WNT11: variants seen among roughly 807,000 people sequenced by gnomAD.
WNT11 encodes protein Wnt-11.
A neutral mutation model predicts 35.6 loss-of-function variants in WNT11; 20 were observed. That is an observed-to-expected ratio of 0.56 (90% CI 0.40 to 0.82). WNT11 has a LOEUF of 0.82. Among genes scored for constraint, WNT11 ranks in the 40% least tolerant of loss-of-function variants. The pLI is 0.00. For synonymous variants in WNT11, 200 were observed against 211.9 expected, an observed-to-expected ratio of 0.94 and a Z score of 0.49; for missense variants, 459 against 504.4, an observed-to-expected ratio of 0.91 and a Z score of 0.86.
At chr11:76,208,424 A>G (rs896845618), upstream of WNT11, among the ~76,000 whole-genome samples, 2 of 152,192 alleles carry the variant, frequency 1.3e-5, no homozygotes, top group Non-Finnish European at 2.9e-5. Context: ...GGTGTAACCC[A>G]GTCCCGTCCT....
At position 76,191,823 on chromosome 11, in the gene WNT11, A is replaced by G; in HGVS notation, c.631T>C (p.Cys211Arg). Reference sequence around the variant, plus strand: ...GAGCAGGAGCCAGACACCCCATGGCACTTACACTTCATTTCCAGAGAGGCG... The same window carrying G: ...GAGCAGGAGCCAGACACCCCATGGCGCTTACACTTCATTTCCAGAGAGGCG... ...LRASLEMKCKCHGVSGSCSIR... is the reference protein window; with the variant it reads ...LRASLEMKCKRHGVSGSCSIR... Residue 211 changes from cysteine to arginine, a missense_variant, in exon 4 of 5, where the codon TGC becomes CGC. Transcript: ENST00000322563. The G allele has an allele frequency of 6.2e-7, 1 of 1,606,702 alleles. No homozygotes were observed. The highest frequency in any genetic ancestry group is 8.5e-7 in the Non-Finnish European group (1 of 1,179,684).
chr11:76,199,712 A>G (rs558605606), intron 1 of WNT11, among the ~76,000 whole-genome samples: 1 of 152,238 alleles, frequency 6.6e-6, no homozygotes, highest in East Asian at 1.9e-4. Context: ...CTGAGGCAGG[A>G]CCTGGGAGGC....
chr11:76,192,131 T>C (rs1253822878), intron 3 of WNT11, among the ~76,000 whole-genome samples: 1 of 152,170 alleles, frequency 6.6e-6, no homozygotes, highest in Non-Finnish European at 1.5e-5. Context: ...TAACACATAA[T>C]GGAGATTGAT....
At chr11:76,201,853 G>A (rs1186515217) in intron 1 of WNT11, among the ~76,000 whole-genome samples, 10 of 152,162 alleles carry the variant, frequency 6.6e-5, no homozygotes. Context: ...TATTTTCCTG[G>A]TGGCGCCAGC....
At chr11:76,202,624 A>G (rs532747730) in intron 1 of WNT11, among the ~76,000 whole-genome samples, 16 of 152,258 alleles carry the variant, frequency 1.1e-4, no homozygotes, top group African/African-American at 3.4e-4. Flanking sequence ...TAACTCTTCA[A>G]TTAGGCACCA....
At chr11:76,210,677 C>T, upstream of WNT11, 1 of 985,094 alleles carries the variant, frequency 1.0e-6, no homozygotes, top group South Asian at 4.7e-5. Context: ...CAGGCGCGGA[C>T]TCCGGCTGCT....
chr11:76,206,583 G>T (rs1953479385), upstream of WNT11: 23 of 1,189,702 alleles, frequency 1.9e-5, no homozygotes, highest in Middle Eastern at 3.3e-4. Context: ...AGGAGGGGTC[G>T]GGGCCCGGGG....
chr11:76,200,479 G>A (rs576984344), intron 1 of WNT11, among the ~76,000 whole-genome samples: 3 of 152,298 alleles, frequency 2.0e-5, no homozygotes, highest in Admixed American at 1.3e-4. Context: ...CTGTCCCTGC[G>A]TGCAGTGCCG....
chr11:76,200,713 C>T (rs899002845), intron 1 of WNT11, among the ~76,000 whole-genome samples: 4 of 152,236 alleles, frequency 2.6e-5, no homozygotes, highest in Admixed American at 2.0e-4. Context: ...TTGCTCTGAG[C>T]GGTCCCCACC....
At chr11:76,190,141 G>A (rs1051744058) in intron 4 of WNT11, among the ~76,000 whole-genome samples, 2 of 152,070 alleles carry the variant, frequency 1.3e-5, no homozygotes, top group Non-Finnish European at 2.9e-5. Flanking sequence ...TGTGAGCGGT[G>A]GGGTGCCCTC....
intron 1 of WNT11, among the ~76,000 whole-genome samples, chr11:76,201,174 G>A (rs894261466): frequency 2.0e-5 from 3 of 152,198 alleles, no homozygotes; most frequent in African/African-American, 7.2e-5. Flanking sequence ...GACTCCCCAG[G>A]CGGCCCAAGG....
upstream of WNT11, among the ~76,000 whole-genome samples, chr11:76,207,127 C>T (rs1259979107): frequency 6.6e-6 from 1 of 152,042 alleles, no homozygotes; most frequent in East Asian, 1.9e-4. Flanking sequence ...TTTGGGAGGT[C>T]GAGGCGGGCG....
chr11:76,192,877 A>G (rs991627931), intron 3 of WNT11, among the ~76,000 whole-genome samples: 2 of 152,224 alleles, frequency 1.3e-5, no homozygotes, highest in African/African-American at 4.8e-5. Flanking sequence ...TCTCCTGTAC[A>G]GAGACCTGCA....
chr11:76,210,524 C>G (rs1444386564), upstream of WNT11: 3 of 985,262 alleles, frequency 3.0e-6, no homozygotes, highest in Non-Finnish European at 3.6e-6. Flanking sequence ...CCCGGCCTGC[C>G]CAGGGAGCGG....
chr11:76,206,631 G>A (rs1304681078), upstream of WNT11: 4 of 977,060 alleles, frequency 4.1e-6, no homozygotes, highest in Non-Finnish European at 5.2e-6. Context: ...CGCTCCGCCC[G>A]GCCGGGGGAC....
chr11:76,188,485 G>C (rs1052107263), intron 4 of WNT11, among the ~76,000 whole-genome samples: 4 of 152,272 alleles, frequency 2.6e-5, no homozygotes, highest in Admixed American at 2.6e-4. Flanking sequence ...CATCTGTTCA[G>C]ACTGGTGGCT....
chr11:76,195,850 A>C (rs1015777276), intron 2 of WNT11, among the ~76,000 whole-genome samples: 2 of 152,246 alleles, frequency 1.3e-5, no homozygotes, highest in Admixed American at 6.5e-5. Flanking sequence ...GTCAAACATT[A>C]GCTGCTACTG....
intron 2 of WNT11, among the ~76,000 whole-genome samples, chr11:76,195,835 T>A (rs1246234752): frequency 7.2e-5 from 11 of 152,236 alleles, no homozygotes; most frequent in Non-Finnish European, 1.5e-5. Flanking sequence ...AAGAAAAGAA[T>A]GTTTGTCAAA....
intron 1 of WNT11, 65 bp downstream of exon 1, chr11:76,206,260 C>G (rs1224641982): frequency 1.5e-6 from 2 of 1,347,812 alleles, no homozygotes; most frequent in African/African-American, 1.5e-5. Context: ...ATCCAGGGGA[C>G]CCCAAAACGC....
Sources: gnomAD v4.1 joint callset for allele counts (sites outside exome capture counted in the v4.1 genomes callset) on GRCh38, gnomAD v4.1.1 for gene constraint, MANE v1.5 for transcripts, NCBI Gene and HGNC (gene_info 2026-07-23, HGNC 2026-07-21) for gene names.